Variants in CENPE observed in about 807,000 individuals in gnomAD.
CENPE encodes the protein centromere-associated protein E.
A neutral mutation model predicts 336.1 loss-of-function variants in CENPE; 145 were observed. That is an observed-to-expected ratio of 0.43 (90% CI 0.38 to 0.50). The LOEUF (loss-of-function observed/expected upper bound fraction) is 0.50, where lower values mean the gene tolerates loss of function less well. CENPE is among the 20% of genes least tolerant of loss of function. The probability of loss-of-function intolerance (pLI) is 0.00; values close to 1 mark genes in which losing one functional copy is unlikely to be tolerated. For missense variants in CENPE, 2,719 were observed against 3,023.3 expected, an observed-to-expected ratio of 0.90 and a Z score of 2.36; for synonymous variants, 1,013 against 984.8, an observed-to-expected ratio of 1.03 and a Z score of -0.54.
At chr4:103,136,800 A>G (rs1240592216) in intron 39 of CENPE, among the ~76,000 whole-genome samples, 3 of 152,098 alleles carry the variant, frequency 2.0e-5, no homozygotes, top group Admixed American at 2.0e-4. Context: ...CAAACCACCT[A>G]TTTGTCAGCT....
Position 103,140,028 on chromosome 4 carries a change from C to T in CENPE, c.5965G>A (p.Val1989Ile). 1 of 1,612,088 alleles carries T rather than the reference C, an allele frequency of 6.2e-7. No homozygotes were observed. The highest frequency in any genetic ancestry group is 1.7e-5 in the Admixed American group (1 of 59,848). ...TTAATTTTTTTATGACTCATATTGA[C>T]ATCTTCTTTCACTCTAAGCAGTTGA... ...ELQLLRVKED[V>I]NMSHKKINEM... The change falls in exon 38 of 49, where the codon GTC (valine) becomes ATC (isoleucine). Residue 1989 changes from valine to isoleucine, a missense_variant. By Grantham distance (29) the Val-to-Ile change is conservative. Transcript: ENST00000265148.
At chr4:103,181,148 C>A (rs1560669133) in intron 12 of CENPE, among the ~76,000 whole-genome samples, 189 bp downstream of exon 12, 1 of 152,074 alleles carries the variant, frequency 6.6e-6, no homozygotes, top group African/African-American at 2.4e-5. Flanking sequence ...ATTTCAAGAA[C>A]CAAATCTTAC....
At chr4:103,119,749 C>G (rs750967891) in intron 44 of CENPE, among the ~76,000 whole-genome samples, 3 of 152,020 alleles carry the variant, frequency 2.0e-5, no homozygotes, top group Admixed American at 1.3e-4. Flanking sequence ...GTTCTTCCCC[C>G]CAAAACAGGT....
At chr4:103,187,429 A>G (rs1323322174) in intron 8 of CENPE, among the ~76,000 whole-genome samples, 1 of 152,224 alleles carries the variant, frequency 6.6e-6, no homozygotes, top group East Asian at 1.9e-4. Flanking sequence ...AGGGAAGCCC[A>G]TCAGACTAAC....
chr4:103,124,850 A>G (rs1419462541), intron 42 of CENPE, among the ~76,000 whole-genome samples: 1 of 152,066 alleles, frequency 6.6e-6, no homozygotes, highest in East Asian at 1.9e-4. Context: ...CACCCTGGAC[A>G]CTCCTTGGCT....
rs1753533498 is a variant in CENPE at position 103,151,278 on chromosome 4, C to T, written c.3337G>A (p.Gly1113Arg). The change falls in exon 26 of 49, where the codon GGA becomes AGA. Residue 1113 changes from glycine to arginine, a missense_variant. Around this residue, in one of 5 missense-constraint regions of CENPE, gnomAD observed 2,437 missense variants for 2,513.3 expected, o/e 0.97. Transcript: ENST00000265148. ...CTGTCACAGGTCCTAGAAAGCTCTC[C>T]TTCTTTCTTTATGGCATGGTTCTTT... ...QEKNHAIKKE[G>R]ELSRTCDRLA... The T allele has an allele frequency of 6.8e-6, 11 of 1,606,212 alleles. No homozygotes were observed. Among genetic ancestry groups the T allele is most frequent in the Non-Finnish European group, 8.5e-6 (10 of 1,178,088 alleles).
chr4:103,190,955 A>C (rs898226501), intron 8 of CENPE, among the ~76,000 whole-genome samples: 8 of 152,040 alleles, frequency 5.3e-5, no homozygotes, highest in Non-Finnish European at 1.2e-4. Flanking sequence ...GAAAAAAAAA[A>C]AACAAACAAC....
Position 103,176,983 on chromosome 4 carries a change from A to C in CENPE, c.1306T>G (p.Tyr436Asp). The C allele has an allele frequency of 6.2e-7, 1 of 1,608,264 alleles. No individual in the cohort carries two copies. Among genetic ancestry groups the C allele is most frequent in the Non-Finnish European group, 8.5e-7 (1 of 1,177,346 alleles). The change falls in exon 14 of 49, where the codon TAT becomes GAT. Residue 436 changes from tyrosine (Y) to aspartate (D), a missense_variant. By Grantham distance (160) the Tyr-to-Asp change is radical. This residue lies in a region of CENPE where 2,437 missense variants were observed against 2,513.3 expected (regional missense o/e 0.97). Transcript: ENST00000265148. Reference protein sequence around the residue: ...GKINKMKNSNYADQFNIPTNI... With the variant: ...GKINKMKNSNDADQFNIPTNI... Reference sequence around the variant, plus strand: ...GTTGGTATATTAAATTGATCTGCATAGTTTGAGTTCTTCATTTTGTTAATT... The same window carrying C: ...GTTGGTATATTAAATTGATCTGCATCGTTTGAGTTCTTCATTTTGTTAATT...
chr4:103,119,533 A>C (rs1750425422), intron 44 of CENPE, among the ~76,000 whole-genome samples: 1 of 152,248 alleles, frequency 6.6e-6, no homozygotes, highest in African/African-American at 2.4e-5. Flanking sequence ...TGAATAAAGC[A>C]GGCATTCTTG....
intron 48 of CENPE, 129 bp from the exon 49 acceptor site, chr4:103,106,445 G>A (rs1027121928): frequency 1.8e-5 from 10 of 550,884 alleles, no homozygotes; most frequent in African/African-American, 1.3e-4. Flanking sequence ...GTGATTCACC[G>A]TGTTTGGTCA....
Position 103,133,765 on chromosome 4 carries a change from T to G in CENPE, c.6650A>C (p.Gln2217Pro), listed in dbSNP as rs1323335193. The G allele has an allele frequency of 1.2e-6, 2 of 1,611,808 alleles. No homozygotes were observed. Among genetic ancestry groups the G allele is most frequent in the Non-Finnish European group, 1.7e-6 (2 of 1,178,500 alleles). The change falls in exon 41 of 49, where the codon CAA becomes CCA. Residue 2217 changes from glutamine to proline, a missense_variant. Physicochemically the swap from Gln to Pro is moderately conservative, Grantham distance 76 (BLOSUM62 -1). This residue lies in a region of CENPE where 2,437 missense variants were observed against 2,513.3 expected (regional missense o/e 0.97). Transcript: ENST00000265148. ...ELLIKIQHLQ[Q>P]DCDVPSRELR... ...TTCTCTGGATGGTACATCACAATCT[T>G]GTTGAAGGTGCTGTATTTTAATTAG... is the stretch of plus-strand genomic sequence containing the variant.
chr4:103,115,437 C>G (rs1445435719), intron 45 of CENPE, among the ~76,000 whole-genome samples: 1 of 152,026 alleles, frequency 6.6e-6, no homozygotes, highest in East Asian at 1.9e-4. Context: ...CCCGGCCCTG[C>G]TGACCCTATT....
intron 9 of CENPE, among the ~76,000 whole-genome samples, chr4:103,184,525 T>C (rs1756591344): frequency 6.6e-6 from 1 of 152,174 alleles, no homozygotes; most frequent in Admixed American, 6.6e-5. Flanking sequence ...ATGCATTCCT[T>C]GGTGTATGAT....
Position 103,174,750 on chromosome 4 carries a change from T to C in CENPE, c.1633A>G (p.Lys545Glu), listed in dbSNP as rs1410200504. The C allele has an allele frequency of 2.0e-6, 3 of 1,525,548 alleles. No individual in the cohort carries two copies. The highest frequency in any genetic ancestry group is 2.6e-6 in the Non-Finnish European group (3 of 1,139,420). 94.5% of individuals were successfully genotyped at this position (1,525,548 alleles called of 1,614,324 possible). A position where few individuals can be genotyped will look rare whatever the true frequency, so the allele number is the denominator to read the frequency against. The change falls in exon 16 of 49, where the codon AAA (lysine) becomes GAA (glutamate). Residue 545 changes from lysine (K) to glutamate (E), a missense_variant. Transcript: ENST00000265148. The part of the protein sequence containing the change: ...DEFEALERKT[K>E]KDQEMQLIHE... The stretch of plus-strand genomic sequence containing the variant: ...GTCTCTCTTACCTCTTGATCTTTTT[T>C]AGTTTTTCTTTCTAGAGCCTCAAAT...
At chr4:103,183,417 G>T (rs1199237615) in intron 9 of CENPE, 129 bp from the exon 10 acceptor site, 19 of 625,952 alleles carry the variant, frequency 3.0e-5, no homozygotes, top group Non-Finnish European at 4.6e-5. Context: ...TTAGACATGA[G>T]CCCATCTTTA....
chr4:103,180,272 T>C, intron 13 of CENPE, 39 bp downstream of exon 13: 1 of 1,573,000 alleles, frequency 6.4e-7, no homozygotes, highest in Non-Finnish European at 8.7e-7. Flanking sequence ...AATTCTATTC[T>C]CTGTACATCA....
chr4:103,194,077 T>G lies in CENPE; in HGVS notation c.693+152A>C, dbSNP rs544709770. On this transcript the variant is annotated intron_variant, in intron 8 of 48. Transcript: ENST00000265148. ...TTTCCTACGACATTTTAGCTAGGAA[T>G]TTGATGATACTGACAAGACTAAGCA... The G allele has an allele frequency of 4.3e-5, 25 of 576,850 alleles. No individual in the cohort carries two copies. The East Asian group carries it at 6.7e-4, about 15-fold the overall frequency. 35.7% of individuals were successfully genotyped at this position (576,850 alleles called of 1,614,324 possible). A position where few individuals can be genotyped will look rare whatever the true frequency, so the allele number is the denominator to read the frequency against.
rs991409228 is a variant in CENPE at position 103,183,320 on chromosome 4, C to CT, written c.746-33dup. 5.2e-6 allele frequency: 8 copies of CT among 1,534,568 alleles called. No individual in the cohort carries two copies. The African/African-American group carries it at 9.6e-5, about 18-fold the overall frequency. ...TTATTAAACAAATATGAAAACTAAA[C>CT]TTGACTCCTTTTCTAGATGATAAAC... On this transcript the variant is annotated intron_variant, in intron 9 of 48. Transcript: ENST00000265148.
chr4:103,106,214 A>AGAGGAGTCTACTGAGTT lies in CENPE; in HGVS notation c.8097_*7dup. The AGAGGAGTCTACTGAGTT allele has an allele frequency of 6.5e-7, 1 of 1,538,640 alleles. No homozygotes were observed. The highest frequency in any genetic ancestry group is 8.8e-7 in the Non-Finnish European group (1 of 1,135,128). ...TGCTGGATCTCCAGAGAAGTGACAA[A>AGAGGAGTCTACTGAGTT]GAGGAGTCTACTGAGTTTTGCACTC... On this transcript the variant is annotated 3_prime_UTR_variant, in exon 49 of 49. Coordinates refer to ENST00000265148, the MANE Select transcript of CENPE (RefSeq NM_001813.3).
Sources: allele counts gnomAD v4.1 joint callset (sites outside exome capture counted in the v4.1 genomes callset), GRCh38; gene constraint gnomAD v4.1.1; regional missense constraint gnomAD v4.1.1; transcripts MANE v1.5; gene names NCBI Gene and HGNC (gene_info 2026-07-23, HGNC 2026-07-21).